Variants in PLXDC2 observed in about 807,000 individuals in gnomAD.
PLXDC2 encodes the protein plexin domain-containing protein 2.
PLXDC2 carries 40 observed loss-of-function variants against 68.9 expected under a neutral mutation model. The ratio of observed to expected loss-of-function variants is 0.58; its 90% CI spans 0.45 to 0.76. The LOEUF is 0.76. Ranked by LOEUF, PLXDC2 falls within the 30% of genes least tolerant of loss-of-function variation. The pLI is 0.00. For missense variants in PLXDC2, 644 were observed against 661.9 expected (o/e 0.97, Z 0.30); for synonymous variants, 243 against 234.2 (o/e 1.04, Z -0.34).
intron 3 of PLXDC2, among the ~76,000 whole-genome samples, chr10:20,054,493 G>A (rs2131692447): frequency 6.6e-6 from 1 of 152,044 alleles, no homozygotes. Flanking sequence ...ATGGGTAGAT[G>A]GAAAGATAGC....
At chr10:19,927,184 G>A (rs1833549937) in intron 1 of PLXDC2, among the ~76,000 whole-genome samples, 3 of 152,084 alleles carry the variant, frequency 2.0e-5, no homozygotes, top group Admixed American at 2.0e-4. Context: ...AAAAGATTGG[G>A]CAGAAAAATC....
In PLXDC2 at chr10:19,967,677, GA is replaced by G. The variant is rs547205358; in HGVS notation, c.113-34092del. 3.9e-5 allele frequency among the ~76,000 whole-genome samples: 6 copies of G among 152,268 alleles called. No individual in the cohort carries two copies. The South Asian group carries it at 1.0e-3, about 26-fold the overall frequency. On this transcript the variant is annotated intron_variant, in intron 1 of 13. Coordinates refer to ENST00000377252, the MANE Select transcript of PLXDC2 (RefSeq NM_032812.9). ...CAAATGAGCGATGTTACAGCATACT[GA>G]AAAAACATTGCAGATACTATGTCAT... is the stretch of plus-strand genomic sequence containing the variant.
intron 13 of PLXDC2, among the ~76,000 whole-genome samples, chr10:20,248,866 TC>T (rs1835634547): frequency 6.6e-6 from 1 of 152,234 alleles, no homozygotes; most frequent in Non-Finnish European, 1.5e-5. Context: ...CATATTATAT[TC>T]CTATCTACTT....
chr10:20,169,343 G>A (rs969989578), intron 7 of PLXDC2, among the ~76,000 whole-genome samples: 5 of 152,096 alleles, frequency 3.3e-5, no homozygotes, highest in African/African-American at 7.2e-5. Context: ...TGCAAATTTG[G>A]TAAGCACGAA....
Position 20,077,546 on chromosome 10 carries a change from G to A in PLXDC2, c.541+9307G>A, listed in dbSNP as rs184694969. On this transcript the variant is annotated intron_variant, in intron 4 of 13. Coordinates refer to ENST00000377252, the MANE Select transcript of PLXDC2 (RefSeq NM_032812.9). The stretch of plus-strand genomic sequence containing the variant: ...CTGACTAGCCTGAGGGCTACAGAGA[G>A]ATTTTCATTTAATCTGCTAGAATTA... 2.6e-3 allele frequency among the ~76,000 whole-genome samples: 400 copies of A among 152,276 alleles called. 4 individuals carry two copies. The highest frequency in any genetic ancestry group is 9.2e-3 in the African/African-American group (384 of 41,572).
chr10:20,242,186 G>A (rs1030885708), intron 12 of PLXDC2, among the ~76,000 whole-genome samples: 49 of 152,032 alleles, frequency 3.2e-4, no homozygotes, highest in African/African-American at 1.2e-3. Flanking sequence ...TAAGAAAATA[G>A]ACAAGTCCAC....
Position 20,245,344 on chromosome 10 carries a change from G to A in PLXDC2, c.1313-1G>A. 2 of 1,607,966 alleles carry A rather than the reference G, an allele frequency of 1.2e-6. No individual in the cohort carries two copies. Among genetic ancestry groups the A allele is most frequent in the Non-Finnish European group, 1.7e-6 (2 of 1,177,446 alleles). On this transcript the variant is annotated splice_acceptor_variant, in intron 12 of 13. Coordinates refer to ENST00000377252, the MANE Select transcript of PLXDC2 (RefSeq NM_032812.9). LOFTEE classifies it high-confidence loss of function. ...TCCTGACAGCTGGGATGTTCTTTCA[G>A]CTTCTACAGATGACAGTGCAGCTGA...
chr10:20,141,224 A>G (rs1464877178), intron 4 of PLXDC2, among the ~76,000 whole-genome samples: 1 of 152,018 alleles, frequency 6.6e-6, no homozygotes, highest in Non-Finnish European at 1.5e-5. Flanking sequence ...GGTTATTGAG[A>G]GTGGGAGCAG....
intron 1 of PLXDC2, among the ~76,000 whole-genome samples, chr10:19,892,446 G>A (rs1008369212): frequency 6.6e-6 from 1 of 152,212 alleles, no homozygotes; most frequent in Non-Finnish European, 1.5e-5. Context: ...TAACTTGCTT[G>A]TGGATCACAT....
intron 12 of PLXDC2, among the ~76,000 whole-genome samples, chr10:20,238,681 A>ATATATATATATATACACACATATATATG (rs1328154976): frequency 2.2e-5 from 3 of 138,484 alleles, no homozygotes; most frequent in Non-Finnish European, 4.6e-5. Flanking sequence ...ATATATGTAT[A>ATATATATATATATACACACATATATATG]TATATATATA....
At chr10:20,050,869 C>A (rs1215432872) in intron 3 of PLXDC2, among the ~76,000 whole-genome samples, 1 of 152,066 alleles carries the variant, frequency 6.6e-6, no homozygotes, top group East Asian at 1.9e-4. Flanking sequence ...TTCAACCCAG[C>A]AATCCTATTA....
At chr10:20,109,163 A>G (rs775558599) in intron 4 of PLXDC2, among the ~76,000 whole-genome samples, 1 of 152,196 alleles carries the variant, frequency 6.6e-6, no homozygotes, top group Non-Finnish European at 1.5e-5. Context: ...TGTGAAATAG[A>G]ATATTACATT....
At chr10:20,128,632 A>C (rs1017763130) in intron 4 of PLXDC2, among the ~76,000 whole-genome samples, 1 of 152,128 alleles carries the variant, frequency 6.6e-6, no homozygotes, top group Non-Finnish European at 1.5e-5. Context: ...CTGAAACCTT[A>C]TACCCTTTAG....
intron 13 of PLXDC2, among the ~76,000 whole-genome samples, chr10:20,271,076 G>A (rs1835933643): frequency 2.0e-5 from 3 of 151,350 alleles, no homozygotes; most frequent in East Asian, 1.9e-4. Flanking sequence ...ACCTTAGGAC[G>A]TGTTGACAGT....
rs908671762 is a variant in PLXDC2, at chr10:20,047,414, G to A, written c.471+399G>A. ...CATGGGTTTATTGCTGTTGGTCTTG[G>A]ATTTAACCAAAGATTTAACCGAAGT... On this transcript the variant is annotated intron_variant, in intron 3 of 13. Transcript: ENST00000377252. 2.6e-5 allele frequency among the ~76,000 whole-genome samples: 4 copies of A among 151,930 alleles called. No individual in the cohort carries two copies. The South Asian group carries it at 8.3e-4, about 32-fold the overall frequency.
intron 1 of PLXDC2, among the ~76,000 whole-genome samples, chr10:19,931,057 G>T (rs1833622848): frequency 6.6e-6 from 1 of 152,214 alleles, no homozygotes; most frequent in South Asian, 2.1e-4. Flanking sequence ...TGAATGATGG[G>T]ATTCAGAGCA....
At position 19,973,605 on chromosome 10, in the gene PLXDC2, A is replaced by T. The variant is rs7921684; in HGVS notation, c.113-28170A>T. The stretch of plus-strand genomic sequence containing the variant: ...TAGACCCTACAGAATCAAAAGACAT[A>T]CGTTTTAGGTTTACCTTTAGAGAAA... On this transcript the variant is annotated intron_variant, in intron 1 of 13. Coordinates refer to ENST00000377252, the MANE Select transcript of PLXDC2 (RefSeq NM_032812.9). Among the ~76,000 whole-genome samples, 1,234 of 152,284 alleles carry T rather than the reference A, an allele frequency of 8.1e-3. 23 individuals carry two copies. The highest frequency in any genetic ancestry group is 0.028 in the African/African-American group (1,170 of 41,566).
At chr10:20,019,432 T>C (rs1235465773) in intron 2 of PLXDC2, among the ~76,000 whole-genome samples, 2 of 152,208 alleles carry the variant, frequency 1.3e-5, no homozygotes, top group Admixed American at 6.5e-5. Flanking sequence ...TTTCTGCTGG[T>C]TCCTGGTAAT....
chr10:20,148,568 G>A (rs1279357317), intron 6 of PLXDC2, among the ~76,000 whole-genome samples: 1 of 152,132 alleles, frequency 6.6e-6, no homozygotes, highest in Non-Finnish European at 1.5e-5. Flanking sequence ...GAATAACTGT[G>A]TGTTTGATTT....
Sources: gnomAD v4.1 joint callset for allele counts (sites outside exome capture counted in the v4.1 genomes callset) on GRCh38, gnomAD v4.1.1 for gene constraint, MANE v1.5 for transcripts, NCBI Gene and HGNC (gene_info 2026-07-23, HGNC 2026-07-21) for gene names.